PDE1A: variants seen among roughly 807,000 people sequenced by gnomAD.
The protein encoded by PDE1A is phosphodiesterase 1A, also known as dual specificity calcium/calmodulin-dependent 3',5'-cyclic nucleotide phosphodiesterase 1A.
Under a neutral mutation model 61.7 loss-of-function variants are expected in PDE1A, and 35 were observed. The observed-to-expected ratio is 0.57, with a 90% CI of 0.43 to 0.75. The LOEUF (loss-of-function observed/expected upper bound fraction) is 0.75, where lower values mean the gene tolerates loss of function less well. Among genes scored for constraint, PDE1A ranks in the 30% least tolerant of loss-of-function variants. The pLI, the probability that PDE1A is intolerant of heterozygous loss-of-function variation, is 0.00. For synonymous variants in PDE1A, 232 were observed against 213.2 expected (o/e 1.09, Z -0.77); for missense variants, 597 against 630.6 (o/e 0.95, Z 0.57).
the PDE1A span, among the ~76,000 whole-genome samples, chr2:182,706,492 A>G: frequency 2.6e-5 from 4 of 152,130 alleles, no homozygotes; most frequent in Non-Finnish European, 5.9e-5. Flanking sequence ...TGAATCATAT[A>G]ACTTGAAACT....
chr2:182,176,757 T>C (rs1332399776), intron 13 of PDE1A, among the ~76,000 whole-genome samples: 1 of 147,634 alleles, frequency 6.8e-6, no homozygotes, highest in East Asian at 2.0e-4. Context: ...CATCCCTGTC[T>C]TGTGCCAGTT....
At chr2:182,142,133 C>CACAT (rs1344190590), downstream of PDE1A, 1 of 151,720 alleles carries the variant, frequency 6.6e-6, no homozygotes. Context: ...AACACACACA[C>CACAT]ACACACACAC....
At chr2:182,198,476 C>T (rs374066523) in intron 10 of PDE1A, among the ~76,000 whole-genome samples, 12 of 151,798 alleles carry the variant, frequency 7.9e-5, no homozygotes, top group East Asian at 1.9e-4. Flanking sequence ...GTATCACATT[C>T]GCTATAGACC....
At chr2:182,681,709 G>C in the PDE1A span, among the ~76,000 whole-genome samples, 1 of 151,926 alleles carries the variant, frequency 6.6e-6, no homozygotes, top group Non-Finnish European at 1.5e-5. Flanking sequence ...GCAGTGGCAC[G>C]ATCTGGGCTC....
At chr2:182,234,641 A>G (rs1689861546) in intron 3 of PDE1A, 143 bp from the exon 4 acceptor site, 2 of 591,878 alleles carry the variant, frequency 3.4e-6, no homozygotes, top group Non-Finnish European at 6.1e-6. Context: ...CAATAATGAT[A>G]ACTATAGTCA....
intron 1 of PDE1A, among the ~76,000 whole-genome samples, chr2:182,372,556 T>C (rs757914503): frequency 6.6e-6 from 1 of 152,230 alleles, no homozygotes; most frequent in Non-Finnish European, 1.5e-5. Flanking sequence ...GTTCCTTAAG[T>C]ACTTTCTAAT....
chr2:182,228,175 G>A (rs1206203030), intron 6 of PDE1A, among the ~76,000 whole-genome samples: 1 of 152,102 alleles, frequency 6.6e-6, no homozygotes, highest in East Asian at 1.9e-4. Context: ...TGTATCAAGT[G>A]ACAAAAGGAG....
chr2:182,678,165 C>T, the PDE1A span, among the ~76,000 whole-genome samples: 1 of 152,254 alleles, frequency 6.6e-6, no homozygotes, highest in Non-Finnish European at 1.5e-5. Flanking sequence ...TGGCTCACGC[C>T]TGTAATCCCA....
intron 2 of PDE1A, among the ~76,000 whole-genome samples, chr2:182,442,059 C>T (rs1684831579): frequency 6.6e-6 from 1 of 152,022 alleles, no homozygotes; most frequent in African/African-American, 2.4e-5. Context: ...GATATTTATA[C>T]ATCCTCAATA....
At chr2:182,167,820 TA>T, downstream of PDE1A, 1 of 686,462 alleles carries the variant, frequency 1.5e-6, no homozygotes, top group Non-Finnish European at 1.8e-6. Flanking sequence ...AGAATTAATG[TA>T]AAAGATAATT....
chr2:182,573,871 G>GTA, the PDE1A span, among the ~76,000 whole-genome samples: 7 of 138,130 alleles, frequency 5.1e-5, no homozygotes, highest in South Asian at 4.3e-4. Context: ...ATATACATAT[G>GTA]TATATATATT....
intron 2 of PDE1A, among the ~76,000 whole-genome samples, chr2:182,261,717 A>G (rs1692230445): frequency 6.6e-6 from 1 of 152,208 alleles, no homozygotes; most frequent in Non-Finnish European, 1.5e-5. Flanking sequence ...TAAGTTAGCA[A>G]ATATCCATGG....
At chr2:182,367,616 A>G (rs966889243) in intron 1 of PDE1A, among the ~76,000 whole-genome samples, 2 of 152,236 alleles carry the variant, frequency 1.3e-5, no homozygotes, top group African/African-American at 4.8e-5. Flanking sequence ...GTGGCAATGT[A>G]GCAAAGCCAA....
chr2:182,516,836 AGGGAGGG>A (rs1559534454), intron 2 of PDE1A, among the ~76,000 whole-genome samples: 438 of 30,526 alleles, frequency 0.014, 5 homozygotes, highest in African/African-American at 0.039. Context: ...GAAGGAAGGG[AGGGAGGG>A]AGGGAGGGAG....
intron 13 of PDE1A, among the ~76,000 whole-genome samples, chr2:182,161,921 C>T (rs916568312): frequency 2.6e-5 from 4 of 152,020 alleles, no homozygotes; most frequent in African/African-American, 7.2e-5. Flanking sequence ...CTGGCTGAAA[C>T]ATGGATCAAA....
At chr2:182,462,114 T>C (rs1008703437) in intron 2 of PDE1A, among the ~76,000 whole-genome samples, 1 of 151,766 alleles carries the variant, frequency 6.6e-6, no homozygotes, top group East Asian at 1.9e-4. Context: ...ATGAGAGCAC[T>C]TGGACACAGG....
chr2:182,170,478 TC>T (rs1469058915), intron 13 of PDE1A, among the ~76,000 whole-genome samples: 1 of 152,122 alleles, frequency 6.6e-6, no homozygotes, highest in African/African-American at 2.4e-5. Context: ...ATTATGCTAG[TC>T]TTTGGGGTAA....
the PDE1A span, among the ~76,000 whole-genome samples, chr2:182,645,533 A>G: frequency 6.6e-6 from 1 of 152,152 alleles, no homozygotes; most frequent in East Asian, 1.9e-4. Flanking sequence ...TTTTTTGTCA[A>G]ATTGAAGTCA....
chr2:182,626,794 TATATATACATATATATATAC>T, the PDE1A span, among the ~76,000 whole-genome samples: 184 of 34,836 alleles, frequency 5.3e-3, 18 homozygotes, highest in East Asian at 0.023. Context: ...TATATATACA[TATATATACATATATATATAC>T]ATATATATAT....
Sources: allele counts gnomAD v4.1 joint callset (sites outside exome capture counted in the v4.1 genomes callset), GRCh38; gene constraint gnomAD v4.1.1; transcripts MANE v1.5; gene names NCBI Gene and HGNC (gene_info 2026-07-23, HGNC 2026-07-21).